The following LRRC4C variants were observed in gnomAD, a reference collection of about 807,000 sequenced individuals.
LRRC4C encodes leucine rich repeat containing 4C.
LRRC4C carries 5 observed loss-of-function variants against 33.6 expected under a neutral mutation model. The observed-to-expected ratio is 0.15, with a 90% CI of 0.08 to 0.31. The LOEUF (loss-of-function observed/expected upper bound fraction) is 0.31, where lower values mean the gene tolerates loss of function less well. Among genes scored for constraint, LRRC4C ranks in the 10% least tolerant of loss-of-function variants. The pLI is 1.00. For missense variants in LRRC4C, 560 were observed against 796.7 expected, an observed-to-expected ratio of 0.70 and a Z score of 3.58; for synonymous variants, 329 against 302.0, an observed-to-expected ratio of 1.09 and a Z score of -0.93.
chr11:40,210,668 C>T (rs1392933576), intron 5 of LRRC4C, among the ~76,000 whole-genome samples: 1 of 152,176 alleles, frequency 6.6e-6, no homozygotes, highest in Non-Finnish European at 1.5e-5. Flanking sequence ...CCTTGTTGTT[C>T]CTGAGCACAA....
At chr11:40,380,921 A>G (rs1298903432) in intron 3 of LRRC4C, among the ~76,000 whole-genome samples, 2 of 152,220 alleles carry the variant, frequency 1.3e-5, no homozygotes, top group South Asian at 2.1e-4. Context: ...TATCTGACAT[A>G]TATTTAACAA....
At chr11:40,429,579 C>A (rs201742163) in intron 3 of LRRC4C, among the ~76,000 whole-genome samples, 5,033 of 144,344 alleles carry the variant, frequency 0.035, 300 homozygotes, top group African/African-American at 0.12. Flanking sequence ...AAAAAAAAAA[C>A]AAAACAAAAC....
At chr11:41,038,030 T>C (rs1857201848) in intron 1 of LRRC4C, among the ~76,000 whole-genome samples, 1 of 152,208 alleles carries the variant, frequency 6.6e-6, no homozygotes. Flanking sequence ...ACAAAAATTA[T>C]TATTTCTAAC....
chr11:40,344,431 A>C (rs972790986), intron 3 of LRRC4C, among the ~76,000 whole-genome samples: 16 of 152,204 alleles, frequency 1.1e-4, no homozygotes, highest in African/African-American at 3.9e-4. Flanking sequence ...GATGCAGAAA[A>C]AGCTTCCAGT....
At chr11:40,444,477 A>G (rs1331964720) in intron 3 of LRRC4C, among the ~76,000 whole-genome samples, 1 of 151,684 alleles carries the variant, frequency 6.6e-6, no homozygotes, top group African/African-American at 2.4e-5. Context: ...ATAAGCATCT[A>G]TTGATTAATG....
At chr11:40,722,798 G>C (rs537690618) in intron 2 of LRRC4C, among the ~76,000 whole-genome samples, 1 of 152,122 alleles carries the variant, frequency 6.6e-6, no homozygotes, top group Non-Finnish European at 1.5e-5. Flanking sequence ...TCAGAATCTT[G>C]ATGGCAAGGA....
chr11:40,553,230 C>G (rs1957196636), intron 3 of LRRC4C, among the ~76,000 whole-genome samples: 1 of 152,018 alleles, frequency 6.6e-6, no homozygotes, highest in African/African-American at 2.4e-5. Context: ...TGATATCGCG[C>G]CAGTGCACTC....
intron 3 of LRRC4C, among the ~76,000 whole-genome samples, chr11:40,390,924 C>A (rs1949310094): frequency 6.6e-6 from 1 of 152,086 alleles, no homozygotes; most frequent in Admixed American, 6.6e-5. Flanking sequence ...CTCTGTCACC[C>A]AGGCTGGAGT....
chr11:40,208,951 G>GTGTGTGTGTA (rs1459504985), intron 5 of LRRC4C, among the ~76,000 whole-genome samples: 17 of 148,440 alleles, frequency 1.1e-4, no homozygotes, highest in African/African-American at 3.9e-4. Context: ...TTGTGCACGT[G>GTGTGTGTGTA]TGTGTGTGTG....
intron 5 of LRRC4C, among the ~76,000 whole-genome samples, chr11:40,214,450 TG>T (rs1863832186): frequency 6.6e-6 from 1 of 152,148 alleles, no homozygotes; most frequent in Non-Finnish European, 1.5e-5. Flanking sequence ...CCTTTGACTT[TG>T]GGGTAGATTT....
At chr11:40,968,965 C>T (rs947901226) in intron 1 of LRRC4C, among the ~76,000 whole-genome samples, 4 of 152,084 alleles carry the variant, frequency 2.6e-5, no homozygotes, top group Non-Finnish European at 4.4e-5. Flanking sequence ...AATATAGCTG[C>T]CACAGGTAGT....
chr11:41,224,487 T>A (rs1947442446), intron 1 of LRRC4C, among the ~76,000 whole-genome samples: 1 of 152,162 alleles, frequency 6.6e-6, no homozygotes, highest in Admixed American at 6.6e-5. Flanking sequence ...GAGAGTATAT[T>A]TATCAATACA....
chr11:40,995,986 T>G (rs916078225), intron 1 of LRRC4C, among the ~76,000 whole-genome samples: 8 of 152,174 alleles, frequency 5.3e-5, no homozygotes, highest in Middle Eastern at 3.2e-3. Context: ...TGATACAGGA[T>G]AGAAAGTCTA....
rs1297725392 is a variant in LRRC4C, at chr11:40,115,770, G to T, written c.523C>A (p.Arg175Ser). The T allele has an allele frequency of 3.7e-6, 6 of 1,614,142 alleles. No homozygotes were observed. Among genetic ancestry groups the T allele is most frequent in the Non-Finnish European group, 5.1e-6 (6 of 1,180,018 alleles). ...SYAFNRIPSL[R>S]RLDLGELKRL... ...TTCAATTCCCCTAAGTCTAGTCGGCGCAAAGAAGGAATTCTGTTAAAAGCA... is the reference window on the plus strand; with the variant it reads ...TTCAATTCCCCTAAGTCTAGTCGGCTCAAAGAAGGAATTCTGTTAAAAGCA... The change falls in exon 7 of 7, where the codon CGC (arginine) becomes AGC (serine). Residue 175 changes from arginine (R) to serine (S), a missense_variant. Physicochemically the swap from Arg to Ser is moderately radical, Grantham distance 110. Transcript: ENST00000528697. The surrounding 1 kb of genome is among the most constrained non-coding windows in gnomAD (Gnocchi z 6.7).
At chr11:40,612,883 G>T (rs1961374035) in intron 3 of LRRC4C, among the ~76,000 whole-genome samples, 1 of 151,822 alleles carries the variant, frequency 6.6e-6, no homozygotes, top group Non-Finnish European at 1.5e-5. Flanking sequence ...TTTTGTTTTG[G>T]TTTCTCAGTG....
intron 1 of LRRC4C, among the ~76,000 whole-genome samples, chr11:41,246,873 G>A (rs1269665842): frequency 1.3e-5 from 2 of 152,190 alleles, no homozygotes; most frequent in Non-Finnish European, 2.9e-5. Context: ...ACTATTTTGT[G>A]TTTCATTCGG....
intron 1 of LRRC4C, among the ~76,000 whole-genome samples, chr11:41,175,518 G>A (rs1945160353): frequency 6.6e-6 from 1 of 152,040 alleles, no homozygotes; most frequent in Non-Finnish European, 1.5e-5. Context: ...GCAGTAGGGA[G>A]GAATGTAATA....
At chr11:40,498,659 T>G (rs1043576711) in intron 3 of LRRC4C, among the ~76,000 whole-genome samples, 1 of 152,218 alleles carries the variant, frequency 6.6e-6, no homozygotes, top group Non-Finnish European at 1.5e-5. Flanking sequence ...GTGGTGAGAA[T>G]TGACTCAGAA....
At chr11:40,244,652 G>T (rs976666067) in intron 4 of LRRC4C, among the ~76,000 whole-genome samples, 1 of 151,950 alleles carries the variant, frequency 6.6e-6, no homozygotes, top group African/African-American at 2.4e-5. Context: ...TCTCTCCCAT[G>T]CATGTTAATA....
Sources: allele counts gnomAD v4.1 joint callset (sites outside exome capture counted in the v4.1 genomes callset), GRCh38; gene constraint gnomAD v4.1.1; non-coding constraint Gnocchi (gnomAD v3.1); transcripts MANE v1.5; gene names NCBI Gene and HGNC (gene_info 2026-07-23, HGNC 2026-07-21).